CD4: variants seen among roughly 807,000 people sequenced by gnomAD.
CD4 encodes the protein T-cell surface glycoprotein CD4.
A neutral mutation model predicts 50.5 loss-of-function variants in CD4; 25 were observed. The observed-to-expected ratio is 0.49, with a 90% CI of 0.36 to 0.69. The LOEUF (loss-of-function observed/expected upper bound fraction) is 0.69, where lower values mean the gene tolerates loss of function less well. Ranked by LOEUF, CD4 falls within the 30% of genes least tolerant of loss-of-function variation. The probability of loss-of-function intolerance (pLI) is 0.00; values close to 1 mark genes in which losing one functional copy is unlikely to be tolerated. For missense variants in CD4, 456 were observed against 548.5 expected, an observed-to-expected ratio of 0.83 and a Z score of 1.68; for synonymous variants, 207 against 221.9, an observed-to-expected ratio of 0.93 and a Z score of 0.60.
intron 5 of CD4, chr12:6,815,637 C>T (rs1555117783): frequency 6.3e-6 from 6 of 957,620 alleles, no homozygotes; most frequent in South Asian, 4.0e-5. Flanking sequence ...GTGACTACCT[C>T]GTATTAAGTT....
At chr12:6,790,836 G>C (rs1429565310) in intron 1 of CD4, among the ~76,000 whole-genome samples, 1 of 152,214 alleles carries the variant, frequency 6.6e-6, no homozygotes, top group Non-Finnish European at 1.5e-5. Flanking sequence ...ATAATTCAAA[G>C]ATTTCACTCT....
At chr12:6,796,371 C>A (rs902717441) in intron 1 of CD4, among the ~76,000 whole-genome samples, 1 of 152,186 alleles carries the variant, frequency 6.6e-6, no homozygotes, top group African/African-American at 2.4e-5. Context: ...AAAGAAGGAC[C>A]AAGCTTGGAA....
chr12:6,813,117 C>T (rs1015419213), intron 3 of CD4, among the ~76,000 whole-genome samples: 5 of 151,874 alleles, frequency 3.3e-5, no homozygotes, highest in African/African-American at 9.7e-5. Flanking sequence ...GTCACCTAGA[C>T]TGGAGTGCAG....
intron 1 of CD4, among the ~76,000 whole-genome samples, chr12:6,794,432 C>T (rs992440036): frequency 4.6e-5 from 7 of 150,674 alleles, no homozygotes; most frequent in African/African-American, 7.3e-5. Context: ...AGTGCAGTGG[C>T]GTGATTTCGG....
At position 6,817,287 on chromosome 12, in the gene CD4, G is replaced by C. The variant is rs1555118119; in HGVS notation, c.1113G>C (p.Leu371=). ...CTGAGGCGGGGATGTGGCAGTGTCT[G>C]CTGAGTGACTCGGGACAGGTCCTGC... ...LNPEAGMWQC[L]LSDSGQVLLE... is the part of the protein sequence containing the mutation. The change falls in exon 7 of 10, where the codon CTG becomes CTC. Residue 371 remains leucine (L), a synonymous_variant. Transcript: ENST00000011653. The C allele has an allele frequency of 6.3e-7, 1 of 1,577,892 alleles. No individual in the cohort carries two copies. Among genetic ancestry groups the C allele is most frequent in the East Asian group, 2.3e-5 (1 of 42,952 alleles).
At chr12:6,804,942 G>C (rs945055021) in intron 3 of CD4, among the ~76,000 whole-genome samples, 7 of 151,476 alleles carry the variant, frequency 4.6e-5, no homozygotes, top group South Asian at 2.1e-4. Flanking sequence ...CGTGAACCTG[G>C]GAGGCGGAGC....
chr12:6,795,227 TAATCTATC>T (rs1483017458), intron 1 of CD4, among the ~76,000 whole-genome samples: 2 of 152,180 alleles, frequency 1.3e-5, no homozygotes, highest in Admixed American at 6.5e-5. Flanking sequence ...TCTATTTACC[TAATCTATC>T]AATCTATCAT....
chr12:6,816,837 A>G lies in CD4; in HGVS notation c.956-293A>G, dbSNP rs782568505. Among the ~76,000 whole-genome samples the G allele has an allele frequency of 6.6e-6, 1 of 152,336 alleles. No individual in the cohort carries two copies. Among genetic ancestry groups the G allele is most frequent in the Non-Finnish European group, 1.5e-5 (1 of 68,030 alleles). On this transcript the variant is annotated intron_variant, in intron 6 of 9. Coordinates refer to ENST00000011653, the MANE Select transcript of CD4 (RefSeq NM_000616.5). This position sits in a 1 kb window ranked among gnomAD's most constrained non-coding sequence, Gnocchi z 4.9. ...AACGACTCTGCAAATAGTAATGGCT[A>G]ACACTTGATGCTCAGCACGTGTCGG...
chr12:6,791,399 C>T (rs61916272), intron 1 of CD4, among the ~76,000 whole-genome samples: 13 of 151,916 alleles, frequency 8.6e-5, no homozygotes, highest in Non-Finnish European at 1.6e-4. Context: ...CCCAACACCA[C>T]GCCCGGCTAC....
At chr12:6,789,989 G>A (rs988951330) in intron 1 of CD4, among the ~76,000 whole-genome samples, 20 of 152,258 alleles carry the variant, frequency 1.3e-4, no homozygotes, top group African/African-American at 3.6e-4. Context: ...TGGGAAAGGC[G>A]TGGAAGGCAA....
chr12:6,798,379 C>A lies in CD4; in HGVS notation c.-67-1693C>A, dbSNP rs538144397. Among the ~76,000 whole-genome samples the A allele has an allele frequency of 6.6e-4, 89 of 134,964 alleles. 15 individuals carry two copies. The highest frequency in any genetic ancestry group is 5.6e-3 in the South Asian group (26 of 4,608). 88.5% of individuals were successfully genotyped at this position (134,964 alleles called of 152,430 possible). A position where few individuals can be genotyped will look rare whatever the true frequency, so the allele number is the denominator to read the frequency against. On this transcript the variant is annotated intron_variant, in intron 1 of 9. Coordinates refer to ENST00000011653, the MANE Select transcript of CD4 (RefSeq NM_000616.5). Reference sequence around the variant, plus strand: ...AGTAGAGATGGGGTTTCACCGTGTTCACCAGGATGGTCTCGATCTCCTGAC... The same window carrying A: ...AGTAGAGATGGGGTTTCACCGTGTTAACCAGGATGGTCTCGATCTCCTGAC...
At chr12:6,814,482 C>G (rs371009754) in intron 4 of CD4, 182 bp downstream of exon 4, 7 of 675,846 alleles carry the variant, frequency 1.0e-5, no homozygotes, top group Non-Finnish European at 1.7e-5. Flanking sequence ...TGCTGGTGGG[C>G]GGAGGAGGGA....
rs1943214961 is a variant in CD4, at chr12:6,819,520, G to A, written c.*191G>A. On this transcript the variant is annotated 3_prime_UTR_variant, in exon 10 of 10. Transcript: ENST00000011653. ...TGAGTGTTGCTCTCTAGTTTCCAGAGGCTTAATCACACCGTCCTCCACGCC... is the reference window on the plus strand; with the variant it reads ...TGAGTGTTGCTCTCTAGTTTCCAGAAGCTTAATCACACCGTCCTCCACGCC... The A allele has an allele frequency of 1.3e-5, 8 of 617,698 alleles. No individual in the cohort carries two copies. Among genetic ancestry groups the A allele is most frequent in the East Asian group, 2.7e-5 (1 of 36,450 alleles). 38.3% of individuals were successfully genotyped at this position (617,698 alleles called of 1,614,324 possible).
chr12:6,808,490 T>C (rs1591555677), intron 3 of CD4, among the ~76,000 whole-genome samples: 1 of 142,016 alleles, frequency 7.0e-6, no homozygotes, highest in African/African-American at 2.6e-5. Context: ...AAAGTGAAGT[T>C]TACCTTTTTT....
intron 1 of CD4, among the ~76,000 whole-genome samples, chr12:6,793,692 CTATCTATCTATCT>C (rs1441655245): frequency 2.4e-4 from 13 of 54,336 alleles, no homozygotes; most frequent in South Asian, 8.4e-4. Flanking sequence ...ATCTATCTAT[CTATCTATCTATCT>C]TTTTTTTTTT....
Position 6,818,305 on chromosome 12 carries a change from T to G in CD4, c.1157-116T>G. The G allele has an allele frequency of 2.6e-6, 3 of 1,142,918 alleles. No individual in the cohort carries two copies. The highest frequency in any genetic ancestry group is 2.5e-6 in the Non-Finnish European group (2 of 809,672). The allele number at this position is 1,142,918 out of a possible 1,614,324, so 70.8% of individuals were successfully genotyped here. A position where few individuals can be genotyped will look rare whatever the true frequency, so the allele number is the denominator to read the frequency against. On this transcript the variant is annotated intron_variant, in intron 7 of 9. Transcript: ENST00000011653. The surrounding 1 kb of genome is among the most constrained non-coding windows in gnomAD (Gnocchi z 5.0). ...TGAGAGCCCCCAGGCACCCCTCCCC[T>G]CTCCCCCAACCCCAGGGTCAAACCA...
At chr12:6,805,754 A>G (rs1440794962) in intron 3 of CD4, among the ~76,000 whole-genome samples, 1 of 152,106 alleles carries the variant, frequency 6.6e-6, no homozygotes, top group Non-Finnish European at 1.5e-5. Context: ...TCCAATTCCT[A>G]TAAAAATACC....
chr12:6,818,886 A>G lies in CD4; in HGVS notation c.1318A>G (p.Ser440Gly), dbSNP rs1555118560. Reference protein sequence around the residue: ...ERMSQIKRLLSEKKTCQCPHR... With the variant: ...ERMSQIKRLLGEKKTCQCPHR... ...GATGTCTCAGATCAAGAGACTCCTC[A>G]GTGAGAAGAAGACCTGCCAGTGTCC... The change falls in exon 9 of 10, where the codon AGT (serine) becomes GGT (glycine). Residue 440 changes from serine to glycine, a missense_variant. Transcript: ENST00000011653. This position sits in a 1 kb window ranked among gnomAD's most constrained non-coding sequence, Gnocchi z 5.0. The G allele has an allele frequency of 2.0e-6, 3 of 1,495,644 alleles. No individual in the cohort carries two copies. Among genetic ancestry groups the G allele is most frequent in the South Asian group, 2.2e-5 (2 of 89,456 alleles). 92.6% of individuals were successfully genotyped at this position (1,495,644 alleles called of 1,614,324 possible).
intron 1 of CD4, among the ~76,000 whole-genome samples, chr12:6,793,697 T>TATC (rs1565488224): frequency 1.7e-5 from 1 of 57,178 alleles, no homozygotes; most frequent in East Asian, 7.8e-4. Flanking sequence ...TCTATCTATC[T>TATC]ATCTATCTTT....
Sources: allele counts gnomAD v4.1 joint callset (sites outside exome capture counted in the v4.1 genomes callset), GRCh38; gene constraint gnomAD v4.1.1; non-coding constraint Gnocchi (gnomAD v3.1); transcripts MANE v1.5; gene names NCBI Gene and HGNC (gene_info 2026-07-23, HGNC 2026-07-21).